CSNK2A2IP: variants seen among roughly 807,000 people sequenced by gnomAD.
CSNK2A2IP encodes casein kinase 2 subunit alpha' interacting protein, also known as casein kinase II subunit alpha'-interacting protein.
chr3:88,354,397 T>C, the CSNK2A2IP span, among the ~76,000 whole-genome samples: 5 of 152,156 alleles, frequency 3.3e-5, no homozygotes, highest in Non-Finnish European at 5.9e-5. Context: ...ATTTTTTAAA[T>C]CTGTATGTGG....
At chr3:88,432,167 G>A in the CSNK2A2IP span, among the ~76,000 whole-genome samples, 1 of 151,620 alleles carries the variant, frequency 6.6e-6, no homozygotes, top group East Asian at 1.9e-4. Context: ...CTCATTTACT[G>A]AATGAATAAT....
chr3:88,449,458 C>G, the CSNK2A2IP span, among the ~76,000 whole-genome samples: 1 of 151,980 alleles, frequency 6.6e-6, no homozygotes, highest in Non-Finnish European at 1.5e-5. Flanking sequence ...TTCAAAGTCC[C>G]TGTATCTTCT....
chr3:88,347,078 T>C, the CSNK2A2IP span, among the ~76,000 whole-genome samples: 1 of 151,948 alleles, frequency 6.6e-6, no homozygotes, highest in Non-Finnish European at 1.5e-5. Flanking sequence ...GTAGTGGAAA[T>C]AGCAAGAAAC....
the CSNK2A2IP span, among the ~76,000 whole-genome samples, chr3:88,355,985 C>T: frequency 9.2e-5 from 14 of 152,020 alleles, no homozygotes; most frequent in Middle Eastern, 3.4e-3. Context: ...GTTGTACATA[C>T]GTATGGGGTA....
the CSNK2A2IP span, among the ~76,000 whole-genome samples, chr3:88,422,221 C>T: frequency 3.5e-4 from 53 of 152,178 alleles, 1 homozygote; most frequent in African/African-American, 1.2e-3. Flanking sequence ...TTTAAATTCC[C>T]ATCTATTCCT....
chr3:88,395,742 G>T, the CSNK2A2IP span, among the ~76,000 whole-genome samples: 2 of 152,136 alleles, frequency 1.3e-5, no homozygotes, highest in East Asian at 1.9e-4. Flanking sequence ...AAACTGAAAT[G>T]GTGTATAGCT....
chr3:88,402,798 G>A, the CSNK2A2IP span, among the ~76,000 whole-genome samples: 2 of 151,990 alleles, frequency 1.3e-5, no homozygotes, highest in African/African-American at 4.8e-5. Flanking sequence ...AGAATGTAAG[G>A]GGGATGATTG....
chr3:88,375,086 A>G, the CSNK2A2IP span, among the ~76,000 whole-genome samples: 1 of 151,750 alleles, frequency 6.6e-6, no homozygotes, highest in Non-Finnish European at 1.5e-5. Context: ...ATAATTCTCT[A>G]TTCTAGTATT....
At chr3:88,416,404 A>G in the CSNK2A2IP span, among the ~76,000 whole-genome samples, 3 of 152,168 alleles carry the variant, frequency 2.0e-5, no homozygotes, top group Non-Finnish European at 2.9e-5. Flanking sequence ...CTTTTTACAG[A>G]GTCAAGATGT....
At chr3:88,357,188 G>A in the CSNK2A2IP span, among the ~76,000 whole-genome samples, 5 of 152,054 alleles carry the variant, frequency 3.3e-5, no homozygotes, top group Non-Finnish European at 7.4e-5. Context: ...TTGCTCAGCT[G>A]AATGTGCTGG....
chr3:88,453,451 A>G, the CSNK2A2IP span, among the ~76,000 whole-genome samples: 3 of 152,126 alleles, frequency 2.0e-5, no homozygotes, highest in Non-Finnish European at 4.4e-5. Context: ...TTAAATCTGT[A>G]CATACAACAA....
the CSNK2A2IP span, among the ~76,000 whole-genome samples, chr3:88,349,033 A>C: frequency 6.6e-6 from 1 of 151,988 alleles, no homozygotes; most frequent in Non-Finnish European, 1.5e-5. Context: ...CTTCAAACCC[A>C]GATTACTGCA....
At chr3:88,447,368 A>G in the CSNK2A2IP span, among the ~76,000 whole-genome samples, 2,103 of 152,146 alleles carry the variant, frequency 0.014, 40 homozygotes, top group African/African-American at 0.048. Context: ...TGATGGGAAT[A>G]TTTGGTTGTT....
chr3:88,457,661 A>G, the CSNK2A2IP span, among the ~76,000 whole-genome samples: 1 of 151,184 alleles, frequency 6.6e-6, no homozygotes, highest in Non-Finnish European at 1.5e-5. Flanking sequence ...GTGCTATTGC[A>G]CTCTAGCCTG....
chr3:88,349,590 T>C, the CSNK2A2IP span, among the ~76,000 whole-genome samples: 1 of 152,152 alleles, frequency 6.6e-6, no homozygotes, highest in Non-Finnish European at 1.5e-5. Context: ...TGAGCTGCTA[T>C]AAACATGTGT....
the CSNK2A2IP span, among the ~76,000 whole-genome samples, chr3:88,348,587 A>G: frequency 1.1e-4 from 16 of 152,140 alleles, no homozygotes; most frequent in African/African-American, 3.9e-4. Flanking sequence ...TAACAGATAT[A>G]TCTAAAGAGT....
chr3:88,356,775 T>C, the CSNK2A2IP span, among the ~76,000 whole-genome samples: 13 of 152,298 alleles, frequency 8.5e-5, no homozygotes, highest in South Asian at 2.7e-3. Flanking sequence ...ATTTTTGTCT[T>C]TTTGATAAAG....
the CSNK2A2IP span, among the ~76,000 whole-genome samples, chr3:88,420,576 A>G: frequency 6.6e-6 from 1 of 152,150 alleles, no homozygotes; most frequent in Non-Finnish European, 1.5e-5. Flanking sequence ...CATTTATATG[A>G]TTCTACAACA....
the CSNK2A2IP span, among the ~76,000 whole-genome samples, chr3:88,371,327 A>G: frequency 6.6e-6 from 1 of 151,880 alleles, no homozygotes; most frequent in Non-Finnish European, 1.5e-5. Flanking sequence ...GTTATTGCAG[A>G]GTAAACAGGG....
Sources: gnomAD v4.1 joint callset for allele counts (sites outside exome capture counted in the v4.1 genomes callset) on GRCh38, gnomAD v4.1.1 for gene constraint, MANE v1.5 for transcripts, NCBI Gene and HGNC (gene_info 2026-07-23, HGNC 2026-07-21) for gene names.